SNRNP35: variants seen among roughly 807,000 people sequenced by gnomAD.
SNRNP35 encodes U11/U12 small nuclear ribonucleoprotein 35 kDa protein.
Under a neutral mutation model 24.3 loss-of-function variants are expected in SNRNP35, and 16 were observed. That is an observed-to-expected ratio of 0.66 (90% confidence interval 0.45 to 1.00). The LOEUF is 1.00. SNRNP35 is among the 50% of genes least tolerant of loss of function. The probability of loss-of-function intolerance (pLI) is 0.00; values close to 1 mark genes in which losing one functional copy is unlikely to be tolerated. For synonymous variants in SNRNP35, 106 were observed against 124.8 expected (o/e 0.85, Z 1.00); for missense variants, 292 against 327.2 (o/e 0.89, Z 0.83).
At chr12:123,463,025 G>C (rs111593238) in intron 1 of SNRNP35, among the ~76,000 whole-genome samples, 10 of 152,110 alleles carry the variant, frequency 6.6e-5, no homozygotes, top group Non-Finnish European at 1.3e-4. Context: ...TTAGGAATGA[G>C]AACTACTGTA....
intron 1 of SNRNP35, chr12:123,459,544 T>G: frequency 3.8e-6 from 1 of 265,450 alleles, no homozygotes; most frequent in East Asian, 9.9e-5. Context: ...TCCCAGCACT[T>G]TGGGAGGCTG....
At chr12:123,462,983 GA>G (rs1880717983) in intron 1 of SNRNP35, among the ~76,000 whole-genome samples, 1 of 152,166 alleles carries the variant, frequency 6.6e-6, no homozygotes. Context: ...AAAAGTTATA[GA>G]TATTTTAAGA....
At position 123,466,413 on chromosome 12, in the gene SNRNP35, T is replaced by C; in HGVS notation, c.*132T>C. On this transcript the variant is annotated 3_prime_UTR_variant, in exon 2 of 2. Transcript: ENST00000526639. ...TCATGGGGTTTGGAATAGTTTTCTT[T>C]CCAATCTGGAACTTCGGTTCAAGCT... 4.1e-6 allele frequency: 4 copies of C among 976,446 alleles called. No individual in the cohort carries two copies. Among genetic ancestry groups the C allele is most frequent in the Non-Finnish European group, 5.9e-6 (4 of 677,530 alleles). 60.5% of individuals were successfully genotyped at this position (976,446 alleles called of 1,614,324 possible). A position where few individuals can be genotyped will look rare whatever the true frequency, so the allele number is the denominator to read the frequency against.
downstream of SNRNP35, among the ~76,000 whole-genome samples, chr12:123,469,193 C>T (rs938107372): frequency 3.9e-5 from 6 of 151,930 alleles, no homozygotes; most frequent in Middle Eastern, 3.2e-3. Context: ...CTCGCTCTGT[C>T]GCCCAGGCTG....
rs753157555 is a variant in SNRNP35 at position 123,466,151 on chromosome 12, A to G, written c.611A>G (p.Asp204Gly). 4 of 1,610,520 alleles carry G rather than the reference A, an allele frequency of 2.5e-6. No homozygotes were observed. The highest frequency in any genetic ancestry group is 2.2e-5 in the East Asian group (1 of 44,838). Residue 204 changes from aspartate to glycine, a missense_variant, in exon 2 of 2, where the codon GAC (aspartate) becomes GGC (glycine). Coordinates refer to ENST00000526639, the MANE Select transcript of SNRNP35 (RefSeq NM_022717.4). ...WDSRTRDRDH[D>G]RGREKRWQER... ...TCGAGGACAAGGGATCGAGACCATG[A>G]CAGGGGCCGGGAGAAGAGATGGCAA...
Position 123,465,916 on chromosome 12 carries a change from T to C in SNRNP35, c.376T>C (p.Tyr126His), listed in dbSNP as rs1487640873. 1.2e-6 allele frequency: 2 copies of C among 1,613,722 alleles called. No individual in the cohort carries two copies. The highest frequency in any genetic ancestry group is 2.2e-5 in the East Asian group (1 of 44,882). The change falls in exon 2 of 2, where the codon TAC (tyrosine) becomes CAC (histidine). Residue 126 changes from tyrosine (Y) to histidine (H), a missense_variant. Transcript: ENST00000526639. The surrounding 1 kb of genome is among the most constrained non-coding windows in gnomAD (Gnocchi z 4.2). ...VIDQHEIFVDYELERTLKGWI... is the reference protein window; with the variant it reads ...VIDQHEIFVDHELERTLKGWI... ...TGACCAGCATGAGATATTTGTGGACTACGAGCTGGAAAGGACTCTCAAAGG... is the reference window on the plus strand; with the variant it reads ...TGACCAGCATGAGATATTTGTGGACCACGAGCTGGAAAGGACTCTCAAAGG...
At chr12:123,462,939 G>A (rs1880715894) in intron 1 of SNRNP35, among the ~76,000 whole-genome samples, 1 of 152,218 alleles carries the variant, frequency 6.6e-6, no homozygotes, top group South Asian at 2.1e-4. Context: ...AAATAAAGCA[G>A]AAAGATCCTT....
intron 1 of SNRNP35, among the ~76,000 whole-genome samples, chr12:123,461,281 A>C (rs61953523): frequency 2.6e-4 from 13 of 50,938 alleles, no homozygotes; most frequent in Non-Finnish European, 3.8e-5. Flanking sequence ...ACGCCTGGCT[A>C]ATTTTTTTTT....
At position 123,466,414 on chromosome 12, in the gene SNRNP35, C is replaced by A. The variant is rs1439465654; in HGVS notation, c.*133C>A. On this transcript the variant is annotated 3_prime_UTR_variant, in exon 2 of 2. Transcript: ENST00000526639. ...CATGGGGTTTGGAATAGTTTTCTTT[C>A]CAATCTGGAACTTCGGTTCAAGCTG... 2.1e-6 allele frequency: 2 copies of A among 959,706 alleles called. No homozygotes were observed. The highest frequency in any genetic ancestry group is 3.0e-6 in the Non-Finnish European group (2 of 663,762). The allele number at this position is 959,706 out of a possible 1,614,324, so 59.4% of individuals were successfully genotyped here.
chr12:123,460,127 G>C (rs1224338572), intron 1 of SNRNP35, among the ~76,000 whole-genome samples: 2 of 152,098 alleles, frequency 1.3e-5, no homozygotes, highest in East Asian at 1.9e-4. Context: ...CCACTGCACC[G>C]GGCCCCTTGT....
intron 1 of SNRNP35, among the ~76,000 whole-genome samples, chr12:123,458,583 G>A (rs1189150877): frequency 1.3e-5 from 2 of 149,844 alleles, no homozygotes; most frequent in African/African-American, 5.0e-5. Flanking sequence ...TTCACAGGAG[G>A]GGCAAAGTCT....
At chr12:123,463,796 G>A (rs191942523) in intron 1 of SNRNP35, among the ~76,000 whole-genome samples, 11 of 149,760 alleles carry the variant, frequency 7.3e-5, no homozygotes, top group East Asian at 2.0e-4. Flanking sequence ...ACAGAGCCTC[G>A]CTTTGTTGCC....
chr12:123,466,046 C>T lies in SNRNP35; in HGVS notation c.506C>T (p.Pro169Leu). 1 of 1,614,070 alleles carries T rather than the reference C, an allele frequency of 6.2e-7. No individual in the cohort carries two copies. The highest frequency in any genetic ancestry group is 8.5e-7 in the Non-Finnish European group (1 of 1,180,034). The change falls in exon 2 of 2, where the codon CCA becomes CTA. Residue 169 changes from proline to leucine, a missense_variant. Physicochemically the swap from Pro to Leu is moderately conservative, Grantham distance 98. Coordinates refer to ENST00000526639, the MANE Select transcript of SNRNP35 (RefSeq NM_022717.4). ...CCTTTTCGAAAACCTATTAACTTGC[C>T]AGTTGTTAAAAACGACCTCTATAGA... ...DRPFRKPINL[P>L]VVKNDLYREG...
In SNRNP35 at chr12:123,472,359, T is replaced by C. The variant is rs1881245591; in HGVS notation, n.1366T>C. On this transcript the variant is annotated non_coding_transcript_exon_variant, in exon 2 of 2. Transcript: ENST00000527158. ...GCCCTGGGTATAAATAAACATTTCTTTAGAGTTTGGCGTCAGTTTTTCAAT... is the reference window on the plus strand; with the variant it reads ...GCCCTGGGTATAAATAAACATTTCTCTAGAGTTTGGCGTCAGTTTTTCAAT... 6.5e-6 allele frequency: 4 copies of C among 612,406 alleles called. No homozygotes were observed. In the Admixed American group the frequency reaches 1.2e-4, roughly 18 times the overall value. 37.9% of individuals were successfully genotyped at this position (612,406 alleles called of 1,614,324 possible).
At chr12:123,462,310 G>C (rs1327383996) in intron 1 of SNRNP35, among the ~76,000 whole-genome samples, 1 of 152,040 alleles carries the variant, frequency 6.6e-6, no homozygotes, top group Non-Finnish European at 1.5e-5. Context: ...TGCACAAATG[G>C]TTTAGGCCAA....
intron 1 of SNRNP35, among the ~76,000 whole-genome samples, chr12:123,462,315 G>A (rs1355083905): frequency 6.6e-6 from 1 of 151,988 alleles, no homozygotes; most frequent in Non-Finnish European, 1.5e-5. Context: ...AAATGGTTTA[G>A]GCCAAAAAGA....
exon 2 of SNRNP35, chr12:123,472,358 T>C: frequency 1.6e-6 from 1 of 613,706 alleles, no homozygotes; most frequent in Non-Finnish European, 2.8e-6. Context: ...TAAACATTTC[T>C]TTAGAGTTTG....
rs115948417 is a variant in SNRNP35 at position 123,460,074 on chromosome 12, C to T, written c.-4+1858C>T. On this transcript the variant is annotated intron_variant, in intron 1 of 1. Coordinates refer to ENST00000526639, the MANE Select transcript of SNRNP35 (RefSeq NM_022717.4). Reference sequence around the variant, plus strand: ...TTGTGACTCCTGACTTCAAATGATCCGCTCATCTTGGCCTCCTCAAGTGCT... The same window carrying T: ...TTGTGACTCCTGACTTCAAATGATCTGCTCATCTTGGCCTCCTCAAGTGCT... Among the ~76,000 whole-genome samples, 897 of 152,216 alleles carry T rather than the reference C, an allele frequency of 5.9e-3. 11 individuals carry two copies. The highest frequency in any genetic ancestry group is 0.02 in the African/African-American group (846 of 41,510).
chr12:123,460,111 C>T (rs867405779), intron 1 of SNRNP35, among the ~76,000 whole-genome samples: 2 of 152,112 alleles, frequency 1.3e-5, no homozygotes, highest in African/African-American at 2.4e-5. Context: ...GGATTGCTGG[C>T]GTGAGCCACT....
Sources: allele counts gnomAD v4.1 joint callset (sites outside exome capture counted in the v4.1 genomes callset), GRCh38; gene constraint gnomAD v4.1.1; non-coding constraint Gnocchi (gnomAD v3.1); transcripts MANE v1.5; gene names NCBI Gene and HGNC (gene_info 2026-07-23, HGNC 2026-07-21).